Variants in MUC3A observed in about 807,000 individuals in gnomAD.
MUC3A encodes the protein mucin-3A.
In MUC3A, 109 loss-of-function variants were observed where a neutral mutation model predicts 109.0. That is an observed-to-expected ratio of 1.00 (90% CI 0.86 to 1.17). The LOEUF is 1.17. MUC3A is among the 50% of genes most tolerant of loss of function. The pLI is 0.00. For synonymous variants in MUC3A, 1,398 were observed against 981.4 expected (o/e 1.42, Z -7.93); for missense variants, 3,537 against 2,469.4 (o/e 1.43, Z -9.16).
Position 100,968,180 on chromosome 7 carries a change from C to A in MUC3A, c.*1018C>A. The A allele has an allele frequency of 6.5e-6, 1 of 152,916 alleles. No individual in the cohort carries two copies. The allele number at this position is 152,916 out of a possible 1,614,324, so 9.5% of individuals were successfully genotyped here. A position where few individuals can be genotyped will look rare whatever the true frequency, so the allele number is the denominator to read the frequency against. On this transcript the variant is annotated 3_prime_UTR_variant, in exon 12 of 12. Coordinates refer to ENST00000379458, the MANE Select transcript of MUC3A (RefSeq NM_005960.2). ...CTCTGCCTTTTAAACCCATCCCCTC[C>A]GATTCCCCTCCTCCCCCTTCTCTTC...
At position 100,956,833 on chromosome 7, in the gene MUC3A, C is replaced by G. The variant is rs2116178161; in HGVS notation, c.5054C>G (p.Ala1685Gly). 1.2e-5 allele frequency: 5 copies of G among 413,424 alleles called. No homozygotes were observed. The East Asian group carries it at 1.8e-4, about 15-fold the overall frequency. 25.6% of individuals were successfully genotyped at this position (413,424 alleles called of 1,614,324 possible). A position where few individuals can be genotyped will look rare whatever the true frequency, so the allele number is the denominator to read the frequency against. ...ACCCAGAGTATCTCCTCACCCCCAG[C>G]CATCACCAGTACACTCCACACAACA... is the stretch of plus-strand genomic sequence containing the variant. ...THTQSISSPP[A>G]ITSTLHTTAE... Residue 1685 changes from alanine to glycine, a missense_variant, in exon 2 of 12, where the codon GCC (alanine) becomes GGC (glycine). Physicochemically the swap from Ala to Gly is moderately conservative, Grantham distance 60. Coordinates refer to ENST00000379458, the MANE Select transcript of MUC3A (RefSeq NM_005960.2).
intron 1 of MUC3A, among the ~76,000 whole-genome samples, chr7:100,950,546 C>T (rs1424517660): frequency 9.8e-5 from 15 of 152,294 alleles, no homozygotes; most frequent in African/African-American, 1.4e-4. Flanking sequence ...CTGGCACCCA[C>T]GAGCTAGGTT....
rs1792091225 is a variant in MUC3A at position 100,956,205 on chromosome 7, A to C, written c.4426A>C (p.Thr1476Pro). The change falls in exon 2 of 12, where the codon ACA (threonine) becomes CCA (proline). Residue 1476 changes from threonine (T) to proline (P), a missense_variant. Coordinates refer to ENST00000379458, the MANE Select transcript of MUC3A (RefSeq NM_005960.2). ...SSPTSTVTES[T>P]TEITYPTTMT... ...TCCCACAAGCACTGTCACAGAGTCC[A>C]CAACTGAAATCACCTATCCCACCAC... The C allele has an allele frequency of 4.8e-5, 22 of 462,768 alleles. No individual in the cohort carries two copies. The highest frequency in any genetic ancestry group is 1.5e-5 in the Non-Finnish European group (4 of 263,884). The allele number at this position is 462,768 out of a possible 1,614,324, so 28.7% of individuals were successfully genotyped here. A position where few individuals can be genotyped will look rare whatever the true frequency, so the allele number is the denominator to read the frequency against.
Position 100,958,324 on chromosome 7 carries a change from CCTACAGTA to C in MUC3A, c.6548_6555del (p.Tyr2183SerfsTer11). On this transcript the variant is annotated frameshift_variant, in exon 2 of 12. Coordinates refer to ENST00000379458, the MANE Select transcript of MUC3A (RefSeq NM_005960.2). LOFTEE classifies it high-confidence loss of function. ...AGGTGGGGGACCACCGAGACCACAT[CCTACAGTA>C]CTCCCAGCTTCACTTCTTCAAATAC... 1.5e-5 allele frequency: 1 copy of C among 66,082 alleles called. No individual in the cohort carries two copies. Among genetic ancestry groups the C allele is most frequent in the Non-Finnish European group, 2.4e-5 (1 of 40,826 alleles). The allele number at this position is 66,082 out of a possible 1,614,324, so 4.1% of individuals were successfully genotyped here. A position where few individuals can be genotyped will look rare whatever the true frequency, so the allele number is the denominator to read the frequency against.
rs758141319 is a variant in MUC3A, at chr7:100,967,900, C to G, written c.*738C>G. 191 of 159,022 alleles carry G rather than the reference C, an allele frequency of 1.2e-3. No individual in the cohort carries two copies. The highest frequency in any genetic ancestry group is 2.9e-3 in the Admixed American group (45 of 15,418). 9.9% of individuals were successfully genotyped at this position (159,022 alleles called of 1,614,324 possible). A position where few individuals can be genotyped will look rare whatever the true frequency, so the allele number is the denominator to read the frequency against. ...TGCCCAGTTCCCCGTTTCTCTTGCT[C>G]TCATTCCTTGTATCTTCTCCCTTCT... On this transcript the variant is annotated 3_prime_UTR_variant, in exon 12 of 12. Transcript: ENST00000379458.
At position 100,965,321 on chromosome 7, in the gene MUC3A, A is replaced by G. The variant is rs753232981; in HGVS notation, c.9422A>G (p.Asn3141Ser). 5.6e-6 allele frequency: 9 copies of G among 1,599,152 alleles called. No homozygotes were observed. Among genetic ancestry groups the G allele is most frequent in the Admixed American group, 3.3e-5 (2 of 59,970 alleles). The part of the protein sequence containing the change: ...FKPDSIKVNN[N>S]SKTELTPAAI... ...CCTGACTCCATCAAGGTGAACAACAACAGCAAGACAGAGCTGACCCCGGCA... is the reference window on the plus strand; with the variant it reads ...CCTGACTCCATCAAGGTGAACAACAGCAGCAAGACAGAGCTGACCCCGGCA... The change falls in exon 7 of 12, where the codon AAC becomes AGC. Residue 3141 changes from asparagine (N) to serine (S), a missense_variant. Transcript: ENST00000379458.
intron 3 of MUC3A, among the ~76,000 whole-genome samples, chr7:100,961,547 G>T (rs989090782): frequency 6.6e-6 from 1 of 152,310 alleles, no homozygotes; most frequent in Non-Finnish European, 1.5e-5. Flanking sequence ...AGCTGATTAC[G>T]CCGGGCGGGG....
rs1448190448 is a variant in MUC3A, at chr7:100,965,292, T to G, written c.9393T>G (p.Phe3131Leu). 16 of 1,599,110 alleles carry G rather than the reference T, an allele frequency of 1.0e-5. No individual in the cohort carries two copies. The highest frequency in any genetic ancestry group is 3.3e-4 in the Middle Eastern group (2 of 6,082). The change falls in exon 7 of 12, where the codon TTT becomes TTG. Residue 3131 changes from phenylalanine (F) to leucine (L), a missense_variant. Physicochemically the swap from Phe to Leu is conservative, Grantham distance 22 (BLOSUM62 0). Coordinates refer to ENST00000379458, the MANE Select transcript of MUC3A (RefSeq NM_005960.2). ...CCTGTGTTTCCGCAGCCCTGTGTTT[T>G]AAGCCTGACTCCATCAAGGTGAACA... The part of the protein sequence containing the change: ...NSCQDSQTLC[F>L]KPDSIKVNNN...
At position 100,960,410 on chromosome 7, in the gene MUC3A, T is replaced by C; in HGVS notation, c.8631T>C (p.Ser2877=). The change falls in exon 2 of 12, where the codon TCT becomes TCC. Residue 2877 remains serine, a synonymous_variant. Transcript: ENST00000379458. ...GTGAGACCTGGCTGAGCAACAGTTCTGTGATCCCCCTACCTCTTCCTGGCG... is the reference window on the plus strand; with the variant it reads ...GTGAGACCTGGCTGAGCAACAGTTCCGTGATCCCCCTACCTCTTCCTGGCG... The part of the protein sequence containing the change: ...PTSETWLSNS[S]VIPLPLPGVS... 1 of 1,598,550 alleles carries C rather than the reference T, an allele frequency of 6.3e-7. No homozygotes were observed. The highest frequency in any genetic ancestry group is 2.2e-5 in the East Asian group (1 of 44,890).
rs1383438869 is a variant in MUC3A at position 100,960,309 on chromosome 7, C to T, written c.8530C>T (p.Pro2844Ser). Residue 2844 changes from proline to serine, a missense_variant, in exon 2 of 12, where the codon CCC becomes TCC. By Grantham distance (74) the Pro-to-Ser change is moderately conservative (BLOSUM62 -1). Coordinates refer to ENST00000379458, the MANE Select transcript of MUC3A (RefSeq NM_005960.2). Reference sequence around the variant, plus strand: ...GCCAGAAAGTGAGTCCAGCATCTCACCCAATGCTTCCAGTTCCACTGGCAC... The same window carrying T: ...GCCAGAAAGTGAGTCCAGCATCTCATCCAATGCTTCCAGTTCCACTGGCAC... ...MMPESESSISPNASSSTGTGT... is the reference protein window; with the variant it reads ...MMPESESSISSNASSSTGTGT... 2 of 1,598,550 alleles carry T rather than the reference C, an allele frequency of 1.3e-6. No individual in the cohort carries two copies. Among genetic ancestry groups the T allele is most frequent in the Admixed American group, 1.7e-5 (1 of 60,034 alleles).
chr7:100,965,473 C>T, intron 7 of MUC3A, 126 bp downstream of exon 7: 1 of 1,485,886 alleles, frequency 6.7e-7, no homozygotes, highest in South Asian at 1.2e-5. Flanking sequence ...TGGCCCAGGG[C>T]GGCCCTTCCT....
chr7:100,958,688 T>C lies in MUC3A; in HGVS notation c.6909T>C (p.Ser2303=). 6.3e-7 allele frequency: 1 copy of C among 1,590,488 alleles called. No homozygotes were observed. The highest frequency in any genetic ancestry group is 8.5e-7 in the Non-Finnish European group (1 of 1,174,614). ...CCACCACCAAGACCACCTCACACAG[T>C]ACTCCCAGCTTCACTTCTTCGATCA... ...LITTTKTTSH[S]TPSFTSSITT... Residue 2303 remains serine, a synonymous_variant, in exon 2 of 12, where the codon AGT becomes AGC. Coordinates refer to ENST00000379458, the MANE Select transcript of MUC3A (RefSeq NM_005960.2).
intron 1 of MUC3A, 126 bp downstream of exon 1, chr7:100,949,811 T>A: frequency 1.1e-6 from 1 of 920,798 alleles, no homozygotes; most frequent in Admixed American, 3.5e-5. Flanking sequence ...GGGCTCTGGG[T>A]GCAGGGAGAA....
Position 100,964,782 on chromosome 7 carries a change from C to T in MUC3A, c.9321C>T (p.Thr3107=). The T allele has an allele frequency of 6.3e-7, 1 of 1,598,472 alleles. No individual in the cohort carries two copies. The highest frequency in any genetic ancestry group is 8.5e-7 in the Non-Finnish European group (1 of 1,179,758). Residue 3107 remains threonine, a synonymous_variant, in exon 6 of 12, where the codon ACC becomes ACT. Coordinates refer to ENST00000379458, the MANE Select transcript of MUC3A (RefSeq NM_005960.2). The stretch of plus-strand genomic sequence containing the variant: ...AGAGCGAGTATGAGCAGGTGAAGAC[C>T]ACGCTGAAGGAGGGGCTGCAGAACG... The part of the protein sequence containing the change: ...QLESEYEQVK[T]TLKEGLQNAS...
intron 7 of MUC3A, 165 bp from the exon 8 acceptor site, chr7:100,965,539 G>A: frequency 7.1e-7 from 1 of 1,405,500 alleles, no homozygotes; most frequent in Non-Finnish European, 9.5e-7. Context: ...GAGAGGGTGA[G>A]GGTGCTGCGG....
rs1563069353 is a variant in MUC3A at position 100,959,753 on chromosome 7, C to T, written c.7974C>T (p.Phe2658=). The stretch of plus-strand genomic sequence containing the variant: ...CTTCACTCACATCTACAAGTGAGTT[C>T]ACTACAGAATCTTTCACTAGGGGAA... ...LQTSLTSTSE[F]TTESFTRGST... The change falls in exon 2 of 12, where the codon TTC becomes TTT. Residue 2658 remains phenylalanine (F), a synonymous_variant. Transcript: ENST00000379458. The T allele has an allele frequency of 2.5e-6, 4 of 1,598,316 alleles. No individual in the cohort carries two copies. The highest frequency in any genetic ancestry group is 2.5e-6 in the Non-Finnish European group (3 of 1,179,716).
In MUC3A at chr7:100,965,102, G is replaced by A; in HGVS notation, c.9383-180G>A. ...GGCTGAAGACCTCGGATTATTCAGG[G>A]GAGATGAGGCAGGCAACAGGAGTCT... On this transcript the variant is annotated intron_variant, in intron 6 of 11. Transcript: ENST00000379458. The A allele has an allele frequency of 9.8e-6, 11 of 1,119,814 alleles. No homozygotes were observed. In the South Asian group the frequency reaches 1.4e-4, roughly 14 times the overall value. The allele number at this position is 1,119,814 out of a possible 1,614,324, so 69.4% of individuals were successfully genotyped here. A position where few individuals can be genotyped will look rare whatever the true frequency, so the allele number is the denominator to read the frequency against.
At position 100,960,253 on chromosome 7, in the gene MUC3A, T is replaced by C; in HGVS notation, c.8474T>C (p.Leu2825Pro). ...CPTSISIQTT[L>P]TTYMDTSSMM... Reference sequence around the variant, plus strand: ...ACCTCCATCAGTATCCAAACTACTCTTACTACATATATGGACACTTCTTCC... The same window carrying C: ...ACCTCCATCAGTATCCAAACTACTCCTACTACATATATGGACACTTCTTCC... Residue 2825 changes from leucine to proline, a missense_variant, in exon 2 of 12, where the codon CTT becomes CCT. Leu to Pro is a moderately conservative substitution (Grantham distance 98). Coordinates refer to ENST00000379458, the MANE Select transcript of MUC3A (RefSeq NM_005960.2). 6.3e-7 allele frequency: 1 copy of C among 1,598,538 alleles called. No individual in the cohort carries two copies. The highest frequency in any genetic ancestry group is 8.5e-7 in the Non-Finnish European group (1 of 1,179,818).
Position 100,952,188 on chromosome 7 carries a change from A to G in MUC3A, c.409A>G (p.Thr137Ala). The change falls in exon 2 of 12, where the codon ACC becomes GCC. Residue 137 changes from threonine to alanine, a missense_variant. Coordinates refer to ENST00000379458, the MANE Select transcript of MUC3A (RefSeq NM_005960.2). The stretch of plus-strand genomic sequence containing the variant: ...CGTGTATCCAACGAGCTTTATAATC[A>G]CCATCTCCCACCCCACCTCCATCTG... ...ECVYPTSFIITISHPTSICVT... is the reference protein window; with the variant it reads ...ECVYPTSFIIAISHPTSICVT... 6.3e-7 allele frequency: 1 copy of G among 1,598,510 alleles called. No homozygotes were observed. The highest frequency in any genetic ancestry group is 1.1e-5 in the South Asian group (1 of 91,092).
Sources: gnomAD v4.1 joint callset for allele counts (sites outside exome capture counted in the v4.1 genomes callset) on GRCh38, gnomAD v4.1.1 for gene constraint, MANE v1.5 for transcripts, NCBI Gene and HGNC (gene_info 2026-07-23, HGNC 2026-07-21) for gene names.